HTT: variants seen among roughly 807,000 people sequenced by gnomAD.
The protein encoded by HTT is huntington disease protein.
In HTT, 104 loss-of-function variants were observed where a neutral mutation model predicts 362.3. That is an observed-to-expected ratio of 0.29 (90% confidence interval 0.24 to 0.34). The LOEUF is 0.34. Ranked by LOEUF, HTT falls within the 10% of genes least tolerant of loss-of-function variation. The pLI, the probability that HTT is intolerant of heterozygous loss-of-function variation, is 1.00. For missense variants in HTT, 3,301 were observed against 3,928.6 expected (o/e 0.84, Z 4.27); for synonymous variants, 1,577 against 1,548.7 (o/e 1.02, Z -0.43).
At chr4:3,176,025 G>GTTTTTTTTTTTTTTTTTTTTTTTT (rs777646822) in intron 33 of HTT, among the ~76,000 whole-genome samples, 1 of 139,130 alleles carries the variant, frequency 7.2e-6, no homozygotes, top group Non-Finnish European at 1.5e-5. Context: ...GTTGTTGTTT[G>GTTTTTTTTTTTTTTTTTTTTTTTT]TTTTTTTTTG....
At chr4:3,160,437 G>A in intron 29 of HTT, 45 bp downstream of exon 29, 1 of 1,262,906 alleles carries the variant, frequency 7.9e-7, no homozygotes, top group Non-Finnish European at 1.1e-6. Context: ...TGGCACACTT[G>A]ATGTGCGTCT....
intron 29 of HTT, among the ~76,000 whole-genome samples, chr4:3,164,130 C>T (rs200523848): frequency 3.9e-5 from 6 of 152,084 alleles, no homozygotes; most frequent in African/African-American, 9.7e-5. Context: ...GTTGTGTCTT[C>T]GTTCTCATTG....
intron 59 of HTT, among the ~76,000 whole-genome samples, chr4:3,229,216 A>G (rs1009036496): frequency 5.5e-5 from 8 of 145,016 alleles, no homozygotes; most frequent in African/African-American, 1.8e-4. Flanking sequence ...CATACACACA[A>G]CACACACAGC....
intron 21 of HTT, among the ~76,000 whole-genome samples, chr4:3,136,560 T>A (rs1310400239): frequency 6.6e-6 from 1 of 151,840 alleles, no homozygotes; most frequent in Non-Finnish European, 1.5e-5. Context: ...GCACTTTCAT[T>A]GTAAAAATTT....
chr4:3,168,521 G>A (rs1219037824), intron 29 of HTT, among the ~76,000 whole-genome samples: 1 of 152,046 alleles, frequency 6.6e-6, no homozygotes, highest in African/African-American at 2.4e-5. Flanking sequence ...TTCTTGACAG[G>A]TAATGTTTTT....
chr4:3,150,906 G>A (rs190417935), intron 26 of HTT, among the ~76,000 whole-genome samples: 11 of 152,320 alleles, frequency 7.2e-5, no homozygotes, highest in Non-Finnish European at 1.2e-4. Flanking sequence ...GGGTGTGGTG[G>A]CGGGCGCCCA....
At position 3,206,977 on chromosome 4, in the gene HTT, T is replaced by G; in HGVS notation, c.6069T>G (p.Asn2023Lys). The change falls in exon 44 of 67, where the codon AAT becomes AAG. Residue 2023 changes from asparagine to lysine, a missense_variant. Transcript: ENST00000355072. The surrounding 1 kb of genome is among the most constrained non-coding windows in gnomAD (Gnocchi z 4.6). ...GGGTAGAAATGCTTCTGGCTGCAAA[T>G]TTACAGGTATTGGGAAGAGAAACCC... ...CRRVEMLLAA[N>K]LQSSMAQLPM... The G allele has an allele frequency of 6.2e-7, 1 of 1,607,980 alleles. No homozygotes were observed. The highest frequency in any genetic ancestry group is 1.1e-5 in the South Asian group (1 of 89,572).
At chr4:3,186,522 T>A in intron 37 of HTT, 75 bp from the exon 38 acceptor site, 1 of 1,539,268 alleles carries the variant, frequency 6.5e-7, no homozygotes. Context: ...TGCCCTTGAG[T>A]TACATAGCTG....
At chr4:3,135,438 T>G (rs1461879152) in intron 19 of HTT, among the ~76,000 whole-genome samples, 2 of 147,524 alleles carry the variant, frequency 1.4e-5, no homozygotes, top group Non-Finnish European at 3.0e-5. Flanking sequence ...CTTTATAATT[T>G]AGGGTTTGTT....
At position 3,233,216 on chromosome 4, in the gene HTT, C is replaced by A; in HGVS notation, c.8319C>A (p.Ser2773Arg). The part of the protein sequence containing the change: ...VSRLLESTLR[S>R]SHLPSRVGAL... ...GCCTGCTGGAGAGCACGCTCAGGAG[C>A]AGCCACCTGCCCAGCAGGGTTGGAG... Residue 2773 changes from serine to arginine, a missense_variant, in exon 61 of 67, where the codon AGC becomes AGA. This residue lies in a region of HTT where 753 missense variants were observed against 1,021.3 expected (regional missense o/e 0.74). Coordinates refer to ENST00000355072, the MANE Select transcript of HTT (RefSeq NM_001388492.1). 6.2e-7 allele frequency: 1 copy of A among 1,601,954 alleles called. No individual in the cohort carries two copies. The highest frequency in any genetic ancestry group is 8.5e-7 in the Non-Finnish European group (1 of 1,170,468).
At chr4:3,139,728 C>T (rs1037640828) in intron 21 of HTT, among the ~76,000 whole-genome samples, 1 of 152,182 alleles carries the variant, frequency 6.6e-6, no homozygotes. Context: ...GGAATCGCAG[C>T]TTAAGCTTTG....
intron 54 of HTT, 61 bp downstream of exon 54, chr4:3,222,548 G>A (rs1578603345): frequency 2.0e-5 from 25 of 1,255,308 alleles, no homozygotes; most frequent in Non-Finnish European, 2.6e-5. Flanking sequence ...CAGGCCTTTG[G>A]TGGGGAATAA....
In HTT at chr4:3,140,600, A is replaced by G. The variant is rs374861629; in HGVS notation, c.2889A>G (p.Lys963=). The G allele has an allele frequency of 8.7e-6, 14 of 1,614,082 alleles. No individual in the cohort carries two copies. Among genetic ancestry groups the G allele is most frequent in the East Asian group, 4.5e-5 (2 of 44,900 alleles). ...GAGATCAAAGCAGTGTTTACCTGAA[A>G]CTTCTCATGCATGAGACGCAGCCTC... ...VARDQSSVYL[K]LLMHETQPPS... is the part of the protein sequence containing the mutation. Residue 963 remains lysine, a synonymous_variant, in exon 22 of 67, where the codon AAA becomes AAG. Coordinates refer to ENST00000355072, the MANE Select transcript of HTT (RefSeq NM_001388492.1).
At chr4:3,231,082 G>A (rs1056004935) in intron 60 of HTT, among the ~76,000 whole-genome samples, 1 of 152,216 alleles carries the variant, frequency 6.6e-6, no homozygotes, top group African/African-American at 2.4e-5. Context: ...GACATCTGGC[G>A]AAGCATATTC....
At chr4:3,080,667 T>A (rs1192764000) in intron 1 of HTT, among the ~76,000 whole-genome samples, 1 of 152,242 alleles carries the variant, frequency 6.6e-6, no homozygotes, top group African/African-American at 2.4e-5. Context: ...ATCTAAGAAA[T>A]CATTGTCTAA....
Position 3,188,933 on chromosome 4 carries a change from T to A in HTT, c.5226-18T>A. 1.2e-6 allele frequency: 2 copies of A among 1,611,568 alleles called. No homozygotes were observed. The highest frequency in any genetic ancestry group is 1.7e-6 in the Non-Finnish European group (2 of 1,178,134). On this transcript the variant is annotated intron_variant, in intron 39 of 66. Coordinates refer to ENST00000355072, the MANE Select transcript of HTT (RefSeq NM_001388492.1). The stretch of plus-strand genomic sequence containing the variant: ...AGTAGTCACCTAATTCACTGTCATC[T>A]TTTTTGTTTCTTGGAAGGTTTCTAT...
At chr4:3,229,032 CT>C in intron 59 of HTT, 23 bp downstream of exon 59, 1 of 1,605,532 alleles carries the variant, frequency 6.2e-7, no homozygotes, top group Non-Finnish European at 8.5e-7. Context: ...TCCCATTCCC[CT>C]CACACCTGCA....
chr4:3,171,393 T>A (rs1350922957), intron 29 of HTT, among the ~76,000 whole-genome samples: 1 of 152,026 alleles, frequency 6.6e-6, no homozygotes, highest in African/African-American at 2.4e-5. Flanking sequence ...TGAAACAGGC[T>A]GTGCATTCTG....
At chr4:3,182,106 C>A (rs1227081348) in intron 36 of HTT, among the ~76,000 whole-genome samples, 1 of 152,196 alleles carries the variant, frequency 6.6e-6, no homozygotes, top group East Asian at 1.9e-4. Flanking sequence ...ACAATGATGG[C>A]AAATCCTCCT....
Sources: allele counts gnomAD v4.1 joint callset (sites outside exome capture counted in the v4.1 genomes callset), GRCh38; gene constraint gnomAD v4.1.1; regional missense constraint gnomAD v4.1.1; non-coding constraint Gnocchi (gnomAD v3.1); transcripts MANE v1.5; gene names NCBI Gene and HGNC (gene_info 2026-07-23, HGNC 2026-07-21).